Variants in AMIGO1 observed in about 807,000 individuals in gnomAD.
AMIGO1 encodes adhesion molecule with Ig like domain 1, also known as amphoterin-induced protein 1.
For missense variants in AMIGO1, 361 were observed against 612.3 expected (o/e 0.59, Z 4.33); for synonymous variants, 249 against 266.3 (o/e 0.93, Z 0.63).
rs1658057970 is a variant in AMIGO1, at chr1:109,507,601, C to T, written c.1312G>A (p.Asp438Asn). 1.2e-6 allele frequency: 2 copies of T among 1,614,098 alleles called. No individual in the cohort carries two copies. Among genetic ancestry groups the T allele is most frequent in the Admixed American group, 1.7e-5 (1 of 60,012 alleles). The change falls in exon 2 of 2, where the codon GAC becomes AAC. Residue 438 changes from aspartate (D) to asparagine (N), a missense_variant. Asp to Asn is a conservative substitution (Grantham distance 23, BLOSUM62 1). Transcript: ENST00000369864. This position sits in a 1 kb window ranked among gnomAD's most constrained non-coding sequence, Gnocchi z 4.7. ...MAGGDKDDGF[D>N]RRVAFLEPAG... is the part of the protein sequence containing the mutation. ...GGTTCCAGGAAAGCCACCCGCCGGT[C>T]AAAACCATCATCTTTGTCCCCACCA...
At position 109,507,501 on chromosome 1, in the gene AMIGO1, T is replaced by C. The variant is rs772750261; in HGVS notation, c.1412A>G (p.Lys471Arg). Reference sequence around the variant, plus strand: ...TGGATCCGACATCCTCCGTTGGCCCTTGCCTGTGGCCTCAGGCACTGGCAG... The same window carrying C: ...TGGATCCGACATCCTCCGTTGGCCCCTGCCTGTGGCCTCAGGCACTGGCAG... The part of the protein sequence containing the change: ...NTLPVPEATG[K>R]GQRRMSDPES... Residue 471 changes from lysine (K) to arginine (R), a missense_variant, in exon 2 of 2, where the codon AAG (lysine) becomes AGG (arginine). Coordinates refer to ENST00000369864, the MANE Select transcript of AMIGO1 (RefSeq NM_020703.4). The surrounding 1 kb of genome is among the most constrained non-coding windows in gnomAD (Gnocchi z 4.7). 13 of 1,614,188 alleles carry C rather than the reference T, an allele frequency of 8.1e-6. No individual in the cohort carries two copies. In the East Asian group the frequency reaches 2.9e-4, roughly 36 times the overall value.
In AMIGO1 at chr1:109,509,673, G is replaced by A. The variant is rs1658121939; in HGVS notation, c.-341C>T. ...CCGCAGGCCTGGCGCGGATCGGTGC[G>A]GGGAGCCGGAGGCGCAGCGATCCCA... On this transcript the variant is annotated 5_prime_UTR_variant, in exon 1 of 2. Transcript: ENST00000369864. The A allele has an allele frequency of 6.6e-6, 1 of 151,136 alleles. No homozygotes were observed. The highest frequency in any genetic ancestry group is 2.4e-5 in the African/African-American group (1 of 41,316). 9.4% of individuals were successfully genotyped at this position (151,136 alleles called of 1,614,324 possible).
In AMIGO1 at chr1:109,508,637, C is replaced by G. The variant is rs1170354902; in HGVS notation, c.276G>C (p.Leu92=). 1 of 1,614,192 alleles carries G rather than the reference C, an allele frequency of 6.2e-7. No homozygotes were observed. The highest frequency in any genetic ancestry group is 1.1e-5 in the South Asian group (1 of 91,086). The part of the protein sequence containing the change: ...PTRLTQLHSL[L]LSHNHLNFIS... ...TGAAGTTCAGGTGGTTGTGGCTCAG[C>G]AGCAGGGAGTGCAGTTGGGTCAGGC... The change falls in exon 2 of 2, where the codon CTG becomes CTC. Residue 92 remains leucine, a synonymous_variant. Transcript: ENST00000369864. The surrounding 1 kb of genome is among the most constrained non-coding windows in gnomAD (Gnocchi z 7.8).
Position 109,508,250 on chromosome 1 carries a change from G to A in AMIGO1, c.663C>T (p.Asn221=). The A allele has an allele frequency of 1.9e-6, 3 of 1,614,096 alleles. No individual in the cohort carries two copies. Among genetic ancestry groups the A allele is most frequent in the African/African-American group, 1.3e-5 (1 of 75,044 alleles). ...WIKNGLYLHN[N]PLNCDCELYQ... ...AGAGCTCACAGTCGCAGTTCAGGGG[G>A]TTGTTATGTAGGTACAGCCCATTCT... is the stretch of plus-strand genomic sequence containing the variant. Residue 221 remains asparagine (N), a synonymous_variant, in exon 2 of 2, where the codon AAC becomes AAT. Transcript: ENST00000369864. The surrounding 1 kb of genome is among the most constrained non-coding windows in gnomAD (Gnocchi z 7.8).
Position 109,508,959 on chromosome 1 carries a change from G to A in AMIGO1, c.-47C>T, listed in dbSNP as rs1159234782. ...GAAGGCCACAAGGAAGATCTGGGAG[G>A]AGGTCACCCGGGCATGTTCTGGTGG... On this transcript the variant is annotated 5_prime_UTR_variant, in exon 2 of 2. Transcript: ENST00000369864. The surrounding 1 kb of genome is among the most constrained non-coding windows in gnomAD (Gnocchi z 7.8). 6.8e-7 allele frequency: 1 copy of A among 1,474,258 alleles called. No homozygotes were observed. Among genetic ancestry groups the A allele is most frequent in the Non-Finnish European group, 9.0e-7 (1 of 1,111,552 alleles). 91.3% of individuals were successfully genotyped at this position (1,474,258 alleles called of 1,614,324 possible).
Position 109,508,845 on chromosome 1 carries a change from T to A in AMIGO1, c.68A>T (p.Glu23Val). 1.9e-6 allele frequency: 3 copies of A among 1,611,400 alleles called. No homozygotes were observed. ...CACGGCTCGGCCAGCTCTGGCCACCTCAAAAAGCAGCAGGGACAAGGACGG... is the reference window on the plus strand; with the variant it reads ...CACGGCTCGGCCAGCTCTGGCCACCACAAAAAGCAGCAGGGACAAGGACGG... ...LLPSLSLLLFEVARAGRAVVS... is the reference protein window; with the variant it reads ...LLPSLSLLLFVVARAGRAVVS... Residue 23 changes from glutamate (E) to valine (V), a missense_variant, in exon 2 of 2, where the codon GAG becomes GTG. Transcript: ENST00000369864. This position sits in a 1 kb window ranked among gnomAD's most constrained non-coding sequence, Gnocchi z 7.8.
Position 109,505,753 on chromosome 1 carries a change from G to C in AMIGO1, c.*1678C>G, listed in dbSNP as rs1268122672. ...GACACCTCTTAGAATGTAAAAAGAG[G>C]TCAGAAATCTAGAGGATCTGGAGAA... On this transcript the variant is annotated 3_prime_UTR_variant, in exon 2 of 2. Coordinates refer to ENST00000369864, the MANE Select transcript of AMIGO1 (RefSeq NM_020703.4). 3 of 152,140 alleles carry C rather than the reference G, an allele frequency of 2.0e-5. No homozygotes were observed. Among genetic ancestry groups the C allele is most frequent in the Non-Finnish European group, 2.9e-5 (2 of 68,040 alleles). The allele number at this position is 152,140 out of a possible 1,614,324, so 9.4% of individuals were successfully genotyped here.
rs779126263 is a variant in AMIGO1 at position 109,508,009 on chromosome 1, C to G, written c.904G>C (p.Val302Leu). The G allele has an allele frequency of 1.2e-6, 2 of 1,614,196 alleles. No homozygotes were observed. The highest frequency in any genetic ancestry group is 1.7e-6 in the Non-Finnish European group (2 of 1,180,036). ...TKQQGMTKVW[V>L]TPSNERVLDE... ...AGCACCCGTTCATTACTTGGTGTCA[C>G]CCACACCTTGGTCATCCCTTGCTGC... The change falls in exon 2 of 2, where the codon GTG becomes CTG. Residue 302 changes from valine to leucine, a missense_variant. Val to Leu is a conservative substitution (Grantham distance 32). Transcript: ENST00000369864. The surrounding 1 kb of genome is among the most constrained non-coding windows in gnomAD (Gnocchi z 7.8).
rs1485900548 is a variant in AMIGO1 at position 109,507,544 on chromosome 1, G to A, written c.1369C>T (p.Leu457Phe). The change falls in exon 2 of 2, where the codon CTC becomes TTC. Residue 457 changes from leucine to phenylalanine, a missense_variant. Coordinates refer to ENST00000369864, the MANE Select transcript of AMIGO1 (RefSeq NM_020703.4). This position sits in a 1 kb window ranked among gnomAD's most constrained non-coding sequence, Gnocchi z 4.7. ...AGPGQGQNGK[L>F]KPGNTLPVPE... ...ACTGGCAGGGTGTTGCCTGGCTTGA[G>A]CTTGCCGTTTTGACCCTGCCCAGGT... is the stretch of plus-strand genomic sequence containing the variant. The A allele has an allele frequency of 6.2e-7, 1 of 1,614,122 alleles. No homozygotes were observed. The highest frequency in any genetic ancestry group is 1.3e-5 in the African/African-American group (1 of 75,038).
At position 109,509,701 on chromosome 1, in the gene AMIGO1, G is replaced by C. The variant is rs1389538706; in HGVS notation, c.-369C>G. 1 of 150,132 alleles carries C rather than the reference G, an allele frequency of 6.7e-6. No homozygotes were observed. The highest frequency in any genetic ancestry group is 1.9e-4 in the East Asian group (1 of 5,154). The allele number at this position is 150,132 out of a possible 1,614,324, so 9.3% of individuals were successfully genotyped here. On this transcript the variant is annotated 5_prime_UTR_variant, in exon 1 of 2. Transcript: ENST00000369864. ...GAGCCGGAGGCGCAGCGATCCCAGC[G>C]GAGGGAGCGGCGTGGGGGCAGCGAG...
Position 109,507,269 on chromosome 1 carries a change from G to T in AMIGO1, c.*162C>A. 1 of 967,518 alleles carries T rather than the reference G, an allele frequency of 1.0e-6. No individual in the cohort carries two copies. Among genetic ancestry groups the T allele is most frequent in the Non-Finnish European group, 1.5e-6 (1 of 665,718 alleles). 59.9% of individuals were successfully genotyped at this position (967,518 alleles called of 1,614,324 possible). On this transcript the variant is annotated 3_prime_UTR_variant, in exon 2 of 2. Coordinates refer to ENST00000369864, the MANE Select transcript of AMIGO1 (RefSeq NM_020703.4). This position sits in a 1 kb window ranked among gnomAD's most constrained non-coding sequence, Gnocchi z 4.7. ...CCCATTTGAAAATCGTGGCAGCCACGCCCTGTTTGGGGTCTTGCTCTCTGT... is the reference window on the plus strand; with the variant it reads ...CCCATTTGAAAATCGTGGCAGCCACTCCCTGTTTGGGGTCTTGCTCTCTGT...
Position 109,508,989 on chromosome 1 carries a change from C to T in AMIGO1, c.-77G>A, listed in dbSNP as rs1658099975. The stretch of plus-strand genomic sequence containing the variant: ...CACCCGGGCATGTTCTGGTGGGGTA[C>T]GGAAGGGTCACTTGAGAGAAAGAGG... On this transcript the variant is annotated 5_prime_UTR_variant, in exon 2 of 2. Transcript: ENST00000369864. The surrounding 1 kb of genome is among the most constrained non-coding windows in gnomAD (Gnocchi z 7.8). The T allele has an allele frequency of 2.1e-6, 3 of 1,428,368 alleles. No homozygotes were observed. The highest frequency in any genetic ancestry group is 5.6e-5 in the Admixed American group (2 of 35,486). 88.5% of individuals were successfully genotyped at this position (1,428,368 alleles called of 1,614,324 possible). A position where few individuals can be genotyped will look rare whatever the true frequency, so the allele number is the denominator to read the frequency against.
Position 109,506,635 on chromosome 1 carries a change from T to C in AMIGO1, c.*796A>G, listed in dbSNP as rs1240809369. ...TTTCACCAACCAGGGAATTAGCCTA[T>C]CTGGAATTCACCCCCCATCTACAAG... On this transcript the variant is annotated 3_prime_UTR_variant, in exon 2 of 2. Coordinates refer to ENST00000369864, the MANE Select transcript of AMIGO1 (RefSeq NM_020703.4). 6.6e-6 allele frequency: 1 copy of C among 152,242 alleles called. No homozygotes were observed. The highest frequency in any genetic ancestry group is 1.5e-5 in the Non-Finnish European group (1 of 68,078). 9.4% of individuals were successfully genotyped at this position (152,242 alleles called of 1,614,324 possible). A position where few individuals can be genotyped will look rare whatever the true frequency, so the allele number is the denominator to read the frequency against.
Position 109,508,246 on chromosome 1 carries a change from G to A in AMIGO1, c.667C>T (p.Leu223=). The A allele has an allele frequency of 6.2e-7, 1 of 1,614,102 alleles. No individual in the cohort carries two copies. The highest frequency in any genetic ancestry group is 8.5e-7 in the Non-Finnish European group (1 of 1,180,046). Residue 223 remains leucine, a synonymous_variant, in exon 2 of 2, where the codon CTG becomes TTG. Transcript: ENST00000369864. The surrounding 1 kb of genome is among the most constrained non-coding windows in gnomAD (Gnocchi z 7.8). ...KNGLYLHNNP[L]NCDCELYQLF... ...TGGTAGAGCTCACAGTCGCAGTTCA[G>A]GGGGTTGTTATGTAGGTACAGCCCA... is the stretch of plus-strand genomic sequence containing the variant.
rs973278756 is a variant in AMIGO1, at chr1:109,505,936, C to T, written c.*1495G>A. On this transcript the variant is annotated 3_prime_UTR_variant, in exon 2 of 2. Coordinates refer to ENST00000369864, the MANE Select transcript of AMIGO1 (RefSeq NM_020703.4). ...AAAGGGAAAGGTTAAAGGGATCGGT[C>T]ATCTCCATACTCAAAGTATTCTGCA... 6.6e-6 allele frequency: 1 copy of T among 152,204 alleles called. No individual in the cohort carries two copies. Among genetic ancestry groups the T allele is most frequent in the African/African-American group, 2.4e-5 (1 of 41,440 alleles). The allele number at this position is 152,204 out of a possible 1,614,324, so 9.4% of individuals were successfully genotyped here.
Position 109,508,088 on chromosome 1 carries a change from C to G in AMIGO1, c.825G>C (p.Glu275Asp), listed in dbSNP as rs1489333736. 3.1e-6 allele frequency: 5 copies of G among 1,614,176 alleles called. No homozygotes were observed. The South Asian group carries it at 5.5e-5, about 18-fold the overall frequency. ...CACCCAGGTGGGCCTCCCAGGCACG[C>G]TCCTTGTACTCGCCACAGTTGAGGA... ...LSFLNCGEYK[E>D]RAWEAHLGDT... is the part of the protein sequence containing the mutation. Residue 275 changes from glutamate to aspartate, a missense_variant, in exon 2 of 2, where the codon GAG becomes GAC. Glu to Asp is a conservative substitution (Grantham distance 45, BLOSUM62 2). Coordinates refer to ENST00000369864, the MANE Select transcript of AMIGO1 (RefSeq NM_020703.4). The surrounding 1 kb of genome is among the most constrained non-coding windows in gnomAD (Gnocchi z 7.8).
In AMIGO1 at chr1:109,507,606, C is replaced by G. The variant is rs1473977796; in HGVS notation, c.1307G>C (p.Gly436Ala). 3 of 1,614,158 alleles carry G rather than the reference C, an allele frequency of 1.9e-6. No homozygotes were observed. In the Admixed American group the frequency reaches 5.0e-5, roughly 27 times the overall value. ...CAGGAAAGCCACCCGCCGGTCAAAA[C>G]CATCATCTTTGTCCCCACCAGCCAT... Reference protein sequence around the residue: ...DPMAGGDKDDGFDRRVAFLEP... With the variant: ...DPMAGGDKDDAFDRRVAFLEP... Residue 436 changes from glycine to alanine, a missense_variant, in exon 2 of 2, where the codon GGT becomes GCT. Transcript: ENST00000369864. The surrounding 1 kb of genome is among the most constrained non-coding windows in gnomAD (Gnocchi z 4.7).
In AMIGO1 at chr1:109,506,339, T is replaced by C. The variant is rs1199292185; in HGVS notation, c.*1092A>G. 6.6e-6 allele frequency: 1 copy of C among 152,220 alleles called. No homozygotes were observed. Among genetic ancestry groups the C allele is most frequent in the Non-Finnish European group, 1.5e-5 (1 of 68,044 alleles). 9.4% of individuals were successfully genotyped at this position (152,220 alleles called of 1,614,324 possible). Reference sequence around the variant, plus strand: ...CTAAGCCAGCTGGGGCCAGGCTTTCTTGGACTCCTCCCTTTACAGAGCAGC... The same window carrying C: ...CTAAGCCAGCTGGGGCCAGGCTTTCCTGGACTCCTCCCTTTACAGAGCAGC... On this transcript the variant is annotated 3_prime_UTR_variant, in exon 2 of 2. Coordinates refer to ENST00000369864, the MANE Select transcript of AMIGO1 (RefSeq NM_020703.4).
In AMIGO1 at chr1:109,508,855, G is replaced by T; in HGVS notation, c.58C>A (p.Leu20Met). The T allele has an allele frequency of 6.2e-7, 1 of 1,611,048 alleles. No homozygotes were observed. Among genetic ancestry groups the T allele is most frequent in the African/African-American group, 1.3e-5 (1 of 74,970 alleles). Reference sequence around the variant, plus strand: ...CCAGCTCTGGCCACCTCAAAAAGCAGCAGGGACAAGGACGGCAGCAGGAGC... The same window carrying T: ...CCAGCTCTGGCCACCTCAAAAAGCATCAGGGACAAGGACGGCAGCAGGAGC... ...LWLLLPSLSL[L>M]LFEVARAGRA... The change falls in exon 2 of 2, where the codon CTG (leucine) becomes ATG (methionine). Residue 20 changes from leucine (L) to methionine (M), a missense_variant. Leu to Met is a conservative substitution (Grantham distance 15). Transcript: ENST00000369864. The surrounding 1 kb of genome is among the most constrained non-coding windows in gnomAD (Gnocchi z 7.8).
Sources: allele counts gnomAD v4.1 joint callset, GRCh38; gene constraint gnomAD v4.1.1; non-coding constraint Gnocchi (gnomAD v3.1); transcripts MANE v1.5; gene names NCBI Gene and HGNC (gene_info 2026-07-23, HGNC 2026-07-21).